Variants in TBC1D20 observed in about 807,000 individuals in gnomAD.
The protein encoded by TBC1D20 is chromosome 20 open reading frame 140.
A neutral mutation model predicts 41.6 loss-of-function variants in TBC1D20; 12 were observed. The ratio of observed to expected loss-of-function variants is 0.29; its 90% CI spans 0.18 to 0.47. The LOEUF is 0.47. TBC1D20 is among the 20% of genes least tolerant of loss of function. The probability of loss-of-function intolerance (pLI) is 1.00; values close to 1 mark genes in which losing one functional copy is unlikely to be tolerated. For missense variants in TBC1D20, 421 were observed against 517.4 expected, an observed-to-expected ratio of 0.81 and a Z score of 1.81; for synonymous variants, 205 against 204.8, an observed-to-expected ratio of 1.00 and a Z score of -0.01.
rs2017543605 is a variant in TBC1D20 at position 456,581 on chromosome 20, G to C, written c.70+5755C>G. 2.0e-5 allele frequency among the ~76,000 whole-genome samples: 3 copies of C among 151,092 alleles called. No individual in the cohort carries two copies. The South Asian group carries it at 6.3e-4, about 32-fold the overall frequency. ...ACTTTTTTTCTTCTTCTTTTTTTTT[G>C]AGACGGAGTTACGCTCTTTGTTGCC... On this transcript the variant is annotated intron_variant, in intron 1 of 7. Transcript: ENST00000354200.
At chr20:457,126 G>C (rs559543474) in intron 1 of TBC1D20, among the ~76,000 whole-genome samples, 4 of 152,012 alleles carry the variant, frequency 2.6e-5, no homozygotes, top group African/African-American at 7.2e-5. Context: ...AGTAGAGACA[G>C]GGTTTTTCCA....
In TBC1D20 at chr20:462,316, GC is replaced by G; in HGVS notation, c.70+19del. The G allele has an allele frequency of 7.8e-7, 1 of 1,280,964 alleles. No individual in the cohort carries two copies. Among genetic ancestry groups the G allele is most frequent in the Non-Finnish European group, 9.9e-7 (1 of 1,005,642 alleles). The allele number at this position is 1,280,964 out of a possible 1,614,324, so 79.3% of individuals were successfully genotyped here. On this transcript the variant is annotated intron_variant, in intron 1 of 7. Transcript: ENST00000354200. Reference sequence around the variant, plus strand: ...GCCGCCCTCGCAGGCCGCTCCCGGCGCCCCGGTCGGCTTCCGTACCTGCCTT... The same window carrying G: ...GCCGCCCTCGCAGGCCGCTCCCGGCGCCCGGTCGGCTTCCGTACCTGCCTT...
At position 453,539 on chromosome 20, in the gene TBC1D20, C is replaced by CTTTTTTTTTTTTTTT. The variant is rs1198052752; in HGVS notation, c.71-5466_71-5465insAAAAAAAAAAAAAAA. Among the ~76,000 whole-genome samples the CTTTTTTTTTTTTTTT allele has an allele frequency of 2.7e-5, 3 of 109,726 alleles. 1 individual carries two copies. Among genetic ancestry groups the CTTTTTTTTTTTTTTT allele is most frequent in the Non-Finnish European group, 5.2e-5 (3 of 58,062 alleles). The allele number at this position is 109,726 out of a possible 152,430, so 72.0% of individuals were successfully genotyped here. On this transcript the variant is annotated intron_variant, in intron 1 of 7. Coordinates refer to ENST00000354200, the MANE Select transcript of TBC1D20 (RefSeq NM_144628.4). ...ACGGTGGCTCGTGCCTGTAATCCAG[C>CTTTTTTTTTTTTTTT]ATTTTTTTTTTTTTTTTTTTTTTTG...
Position 462,349 on chromosome 20 carries a change from G to A in TBC1D20, c.57C>T (p.Gly19=). The change falls in exon 1 of 8, where the codon GGC becomes GGT. Residue 19 remains glycine (G), a synonymous_variant. Transcript: ENST00000354200. ...DGPTSGHWDG[G]AEKADFNAKR... Reference sequence around the variant, plus strand: ...CGGCTTCCGTACCTGCCTTCTCCGCGCCGCCGTCCCAGTGGCCGGAGGTGG... The same window carrying A: ...CGGCTTCCGTACCTGCCTTCTCCGCACCGCCGTCCCAGTGGCCGGAGGTGG... The A allele has an allele frequency of 1.5e-6, 2 of 1,305,840 alleles. No individual in the cohort carries two copies. Among genetic ancestry groups the A allele is most frequent in the Non-Finnish European group, 9.8e-7 (1 of 1,017,598 alleles). The allele number at this position is 1,305,840 out of a possible 1,614,324, so 80.9% of individuals were successfully genotyped here. A position where few individuals can be genotyped will look rare whatever the true frequency, so the allele number is the denominator to read the frequency against.
Position 441,933 on chromosome 20 carries a change from CA to C in TBC1D20, c.447del (p.Ile149MetfsTer9). ...QLHYYQGYHD[I>X]VVTFLLVVGE... ...CCTACCACCAGCAGAAATGTGACCA[CA>C]ATGTCATGGTAGCCCTGGTAGTAGT... On this transcript the variant is annotated frameshift_variant, in exon 4 of 8. Coordinates refer to ENST00000354200, the MANE Select transcript of TBC1D20 (RefSeq NM_144628.4). LOFTEE classifies it high-confidence loss of function. 6.2e-7 allele frequency: 1 copy of C among 1,614,072 alleles called. No homozygotes were observed.
rs1399927011 is a variant in TBC1D20, at chr20:439,514, ATGAAAGGC to A, written c.769-227_769-220del. Reference sequence around the variant, plus strand: ...TTCCTGCAAACTTCCACCACATGACATGAAAGGCTGACCAGTTACAATCTAAGTCCTTC... The same window carrying A: ...TTCCTGCAAACTTCCACCACATGACATGACCAGTTACAATCTAAGTCCTTC... On this transcript the variant is annotated intron_variant, in intron 6 of 7. Transcript: ENST00000354200. The surrounding 1 kb of genome is among the most constrained non-coding windows in gnomAD (Gnocchi z 4.6). Among the ~76,000 whole-genome samples, 1 of 152,206 alleles carries A rather than the reference ATGAAAGGC, an allele frequency of 6.6e-6. No homozygotes were observed. Among genetic ancestry groups the A allele is most frequent in the Non-Finnish European group, 1.5e-5 (1 of 68,028 alleles).
At chr20:459,457 C>T (rs1057162869) in intron 1 of TBC1D20, among the ~76,000 whole-genome samples, 1 of 152,140 alleles carries the variant, frequency 6.6e-6, no homozygotes, top group Non-Finnish European at 1.5e-5. Flanking sequence ...AAAGCTGATA[C>T]CTTCCAAATT....
At chr20:440,537 A>G (rs1261830667) in intron 5 of TBC1D20, 148 bp from the exon 6 acceptor site, 1 of 998,918 alleles carries the variant, frequency 1.0e-6, no homozygotes, top group Non-Finnish European at 1.4e-6. Flanking sequence ...TCTCCTTACA[A>G]AATATTTAAT....
chr20:440,184 G>A, intron 6 of TBC1D20, 64 bp downstream of exon 6: 12 of 1,571,284 alleles, frequency 7.6e-6, no homozygotes, highest in East Asian at 2.3e-5. Flanking sequence ...TTCCCTTCAG[G>A]GAAAATGACC....
At chr20:449,970 C>A (rs746238263) in intron 1 of TBC1D20, among the ~76,000 whole-genome samples, 29 of 152,158 alleles carry the variant, frequency 1.9e-4, no homozygotes, top group Non-Finnish European at 3.7e-4. Context: ...ACAAGAATGT[C>A]CATTCTTAAT....
intron 2 of TBC1D20, among the ~76,000 whole-genome samples, chr20:447,288 C>T (rs985884081): frequency 4.6e-5 from 7 of 151,606 alleles, no homozygotes; most frequent in Non-Finnish European, 8.8e-5. Context: ...AAAACACTTG[C>T]CAAGCAAGTA....
Position 438,633 on chromosome 20 carries a change from T to C in TBC1D20, c.1165A>G (p.Ser389Gly), listed in dbSNP as rs763495717. ...LGAAALAVVKSALEWAPKFQL... is the reference protein window; with the variant it reads ...LGAAALAVVKGALEWAPKFQL... The stretch of plus-strand genomic sequence containing the variant: ...AACTTAGGGGCCCATTCCAGGGCAC[T>C]TTTCACCACAGCCAGTGCAGCCGCT... Residue 389 changes from serine to glycine, a missense_variant, in exon 8 of 8, where the codon AGT becomes GGT. Transcript: ENST00000354200. 1 of 1,614,244 alleles carries C rather than the reference T, an allele frequency of 6.2e-7. No homozygotes were observed. Among genetic ancestry groups the C allele is most frequent in the South Asian group, 1.1e-5 (1 of 91,086 alleles).
rs1246119536 is a variant in TBC1D20, at chr20:435,998, G to C, written c.*2588C>G. On this transcript the variant is annotated 3_prime_UTR_variant, in exon 8 of 8. Coordinates refer to ENST00000354200, the MANE Select transcript of TBC1D20 (RefSeq NM_144628.4). Reference sequence around the variant, plus strand: ...GCAGTGTCCCAACATTATAACAAAGGGTTATGGGAGTGATGAACCAGGAAC... The same window carrying C: ...GCAGTGTCCCAACATTATAACAAAGCGTTATGGGAGTGATGAACCAGGAAC... 2 of 152,232 alleles carry C rather than the reference G, an allele frequency of 1.3e-5. No individual in the cohort carries two copies. The highest frequency in any genetic ancestry group is 4.8e-5 in the African/African-American group (2 of 41,440). 9.4% of individuals were successfully genotyped at this position (152,232 alleles called of 1,614,324 possible). A position where few individuals can be genotyped will look rare whatever the true frequency, so the allele number is the denominator to read the frequency against.
At chr20:459,481 G>C (rs988863976) in intron 1 of TBC1D20, among the ~76,000 whole-genome samples, 6 of 152,070 alleles carry the variant, frequency 3.9e-5, no homozygotes, top group Admixed American at 1.3e-4. Flanking sequence ...TTATAGTAGA[G>C]GTCTTGGCTA....
Position 439,188 on chromosome 20 carries a change from G to C in TBC1D20, c.876C>G (p.Ile292Met), listed in dbSNP as rs1335734086. ...GAACAAAAAGGTCTCCTGCTCTGCT[G>C]ATCAGTGTCTCATAGGGCAAGTCCT... is the stretch of plus-strand genomic sequence containing the variant. ...IPQDLPYETL[I>M]SRAGDLFVQF... Residue 292 changes from isoleucine to methionine, a missense_variant, in exon 7 of 8, where the codon ATC becomes ATG. Coordinates refer to ENST00000354200, the MANE Select transcript of TBC1D20 (RefSeq NM_144628.4). This position sits in a 1 kb window ranked among gnomAD's most constrained non-coding sequence, Gnocchi z 4.6. 2.5e-6 allele frequency: 4 copies of C among 1,614,220 alleles called. No individual in the cohort carries two copies. Among genetic ancestry groups the C allele is most frequent in the South Asian group, 2.2e-5 (2 of 91,076 alleles).
Position 439,421 on chromosome 20 carries a change from C to A in TBC1D20, c.769-126G>T, listed in dbSNP as rs1433294875. ...GACAGGACTCAGCCCAAATGTTGAGCAAACTCTTGTATCCATCAAGGAAGT... is the reference window on the plus strand; with the variant it reads ...GACAGGACTCAGCCCAAATGTTGAGAAAACTCTTGTATCCATCAAGGAAGT... On this transcript the variant is annotated intron_variant, in intron 6 of 7. Transcript: ENST00000354200. This position sits in a 1 kb window ranked among gnomAD's most constrained non-coding sequence, Gnocchi z 4.6. 18 of 677,984 alleles carry A rather than the reference C, an allele frequency of 2.7e-5. No homozygotes were observed. In the Admixed American group the frequency reaches 4.9e-4, roughly 18 times the overall value. The allele number at this position is 677,984 out of a possible 1,614,324, so 42.0% of individuals were successfully genotyped here. A position where few individuals can be genotyped will look rare whatever the true frequency, so the allele number is the denominator to read the frequency against.
At chr20:457,698 C>T (rs2017565327) in intron 1 of TBC1D20, among the ~76,000 whole-genome samples, 1 of 152,188 alleles carries the variant, frequency 6.6e-6, no homozygotes. Flanking sequence ...AAGCAGGTAG[C>T]ACCGCAGTAA....
At chr20:444,836 C>T (rs1369807302) in intron 3 of TBC1D20, among the ~76,000 whole-genome samples, 1 of 152,002 alleles carries the variant, frequency 6.6e-6, no homozygotes, top group African/African-American at 2.4e-5. Flanking sequence ...AAAACCTCTT[C>T]TCTCATTCAC....
At chr20:438,877 T>C (rs757074686) in intron 7 of TBC1D20, 36 bp from the exon 8 acceptor site, 6 of 1,605,652 alleles carry the variant, frequency 3.7e-6, no homozygotes, top group Admixed American at 3.4e-5. Context: ...GGAAGTGGTA[T>C]GAAAGAGGAG....
Sources: gnomAD v4.1 joint callset for allele counts (sites outside exome capture counted in the v4.1 genomes callset) on GRCh38, gnomAD v4.1.1 for gene constraint, Gnocchi (gnomAD v3.1) non-coding constraint, MANE v1.5 for transcripts, NCBI Gene and HGNC (gene_info 2026-07-23, HGNC 2026-07-21) for gene names.